The following APOH variants were observed in gnomAD, a reference collection of about 807,000 sequenced individuals.
APOH encodes the protein beta-2-glycoprotein 1.
APOH carries 48 observed loss-of-function variants against 39.8 expected under a neutral mutation model. The ratio of observed to expected loss-of-function variants is 1.21; its 90% CI spans 0.96 to 1.54. APOH has a LOEUF of 1.54. Among genes scored for constraint, APOH ranks in the 40% most tolerant of loss-of-function variants. The probability of loss-of-function intolerance (pLI) is 0.00; values close to 1 mark genes in which losing one functional copy is unlikely to be tolerated. For missense variants in APOH, 415 were observed against 421.2 expected, an observed-to-expected ratio of 0.99 and a Z score of 0.13; for synonymous variants, 153 against 151.1, an observed-to-expected ratio of 1.01 and a Z score of -0.09.
At chr17:66,221,447 T>G (rs536379959) in intron 4 of APOH, among the ~76,000 whole-genome samples, 1 of 122,412 alleles carries the variant, frequency 8.2e-6, no homozygotes, top group South Asian at 2.9e-4. Flanking sequence ...AAGTCAGATG[T>G]CCAAACCAGT....
chr17:66,220,218 T>G (rs749734278), intron 5 of APOH, among the ~76,000 whole-genome samples: 1 of 152,188 alleles, frequency 6.6e-6, no homozygotes, highest in Non-Finnish European at 1.5e-5. Flanking sequence ...CATGGATACA[T>G]CCTGCCTTTC....
intron 1 of APOH, among the ~76,000 whole-genome samples, chr17:66,229,107 T>C (rs755736123): frequency 9.9e-5 from 15 of 152,172 alleles, no homozygotes; most frequent in Middle Eastern, 3.4e-3. Flanking sequence ...CAGCTAATTT[T>C]TGTATTTTTC....
At chr17:66,222,658 G>A (rs761462629) in intron 4 of APOH, among the ~76,000 whole-genome samples, 2 of 130,972 alleles carry the variant, frequency 1.5e-5, no homozygotes, top group African/African-American at 5.8e-5. Flanking sequence ...TGCAACCTCC[G>A]CCTCCCGGGT....
At chr17:66,214,680 T>C in intron 6 of APOH, 30 bp from the exon 7 acceptor site, 1 of 1,571,682 alleles carries the variant, frequency 6.4e-7, no homozygotes, top group Non-Finnish European at 8.7e-7. Flanking sequence ...TAATCAGGAC[T>C]TAAGAGTTCA....
At chr17:66,224,617 GA>G (rs766977180) in intron 3 of APOH, among the ~76,000 whole-genome samples, 5 of 138,324 alleles carry the variant, frequency 3.6e-5, no homozygotes, top group Non-Finnish European at 6.2e-5. Flanking sequence ...GAAAAAGAAA[GA>G]AAGAAAGAAG....
At chr17:66,226,163 C>T in intron 2 of APOH, 39 bp from the exon 3 acceptor site, 3 of 1,424,572 alleles carry the variant, frequency 2.1e-6, no homozygotes, top group Non-Finnish European at 2.9e-6. Context: ...TTTCTTTGGG[C>T]TAAAAAAAAA....
Position 66,220,679 on chromosome 17 carries a change from G to T in APOH, c.479C>A (p.Ala160Asp), listed in dbSNP as rs114459902. The change falls in exon 5 of 8, where the codon GCT becomes GAT. Residue 160 changes from alanine to aspartate, a missense_variant. This residue lies in a region of APOH where 288 missense variants were observed against 284.9 expected (regional missense o/e 1.01). Coordinates refer to ENST00000205948, the MANE Select transcript of APOH (RefSeq NM_000042.3). ...FATLRVYKPSAGNNSLYRDTA... is the reference protein window; with the variant it reads ...FATLRVYKPSDGNNSLYRDTA... ...GTCCCGATAGAGGGAATTGTTTCCA[G>T]CTGATGGCTTATAAACACGAAGTGT... The T allele has an allele frequency of 1.1e-3, 1,698 of 1,614,138 alleles. 18 individuals are homozygous for T. The African/African-American group carries it at 0.02, about 19-fold the overall frequency.
At chr17:66,213,106 A>G (rs1598548616) in intron 7 of APOH, among the ~76,000 whole-genome samples, 1 of 152,278 alleles carries the variant, frequency 6.6e-6, no homozygotes, top group Non-Finnish European at 1.5e-5. Flanking sequence ...CTAGCTGGAC[A>G]CTTCTCAGAC....
intron 2 of APOH, 34 bp from the exon 3 acceptor site, chr17:66,226,158 T>C: frequency 6.7e-7 from 1 of 1,486,698 alleles, no homozygotes. Context: ...TTACTTTTCT[T>C]TGGGCTAAAA....
intron 4 of APOH, 32 bp from the exon 5 acceptor site, chr17:66,220,774 A>C (rs1437425547): frequency 6.4e-7 from 1 of 1,573,494 alleles, no homozygotes; most frequent in Admixed American, 1.8e-5. Context: ...ATTTCTATGA[A>C]AATAGTTAAG....
At chr17:66,215,324 T>C (rs2073358380) in intron 6 of APOH, among the ~76,000 whole-genome samples, 1 of 152,230 alleles carries the variant, frequency 6.6e-6, no homozygotes, top group African/African-American at 2.4e-5. Flanking sequence ...CCAGGGAACC[T>C]GGCATAAATG....
chr17:66,220,890 G>A, intron 4 of APOH, 148 bp from the exon 5 acceptor site: 1 of 845,020 alleles, frequency 1.2e-6, no homozygotes, highest in South Asian at 2.0e-5. Flanking sequence ...AATTGTGGAT[G>A]CCTAATAGGA....
intron 3 of APOH, among the ~76,000 whole-genome samples, chr17:66,225,277 G>T (rs1421105440): frequency 6.6e-6 from 1 of 152,010 alleles, no homozygotes; most frequent in Non-Finnish European, 1.5e-5. Flanking sequence ...GGGTGCCTTT[G>T]CTCCTTATGA....
At position 66,228,161 on chromosome 17, in the gene APOH, C is replaced by G; in HGVS notation, c.100G>C (p.Val34Leu). 1 of 1,614,162 alleles carries G rather than the reference C, an allele frequency of 6.2e-7. No individual in the cohort carries two copies. Among genetic ancestry groups the G allele is most frequent in the South Asian group, 1.1e-5 (1 of 91,086 alleles). ...PKPDDLPFSTVVPLKTFYEPG... is the reference protein window; with the variant it reads ...PKPDDLPFSTLVPLKTFYEPG... ...TCATAGAATGTTTTTAACGGGACCA[C>G]TGTGGAAAATGGTAAATCATCTGGC... Residue 34 changes from valine to leucine, a missense_variant, in exon 2 of 8, where the codon GTG (valine) becomes CTG (leucine). Physicochemically the swap from Val to Leu is conservative, Grantham distance 32. Around this residue, in one of 3 missense-constraint regions of APOH, gnomAD observed 288 missense variants for 284.9 expected, o/e 1.01. Coordinates refer to ENST00000205948, the MANE Select transcript of APOH (RefSeq NM_000042.3).
chr17:66,220,422 C>T, intron 5 of APOH, 132 bp downstream of exon 5: 1 of 828,246 alleles, frequency 1.2e-6, no homozygotes, highest in South Asian at 1.7e-5. Flanking sequence ...CTGCCTGGCA[C>T]ATGGTAGATG....
chr17:66,222,502 T>A (rs759213198), intron 4 of APOH, among the ~76,000 whole-genome samples: 1 of 152,126 alleles, frequency 6.6e-6, no homozygotes, highest in Non-Finnish European at 1.5e-5. Context: ...TTAAAAACTT[T>A]CGTTTTTGCT....
rs1454380963 is a variant in APOH, at chr17:66,214,543, A to C, written c.892T>G (p.Phe298Val). 1 of 1,614,184 alleles carries C rather than the reference A, an allele frequency of 6.2e-7. No individual in the cohort carries two copies. Among genetic ancestry groups the C allele is most frequent in the South Asian group, 1.1e-5 (1 of 91,086 alleles). Reference protein sequence around the residue: ...NGMLHGDKVSFFCKNKEKKCS... With the variant: ...NGMLHGDKVSVFCKNKEKKCS... ...TTCTTTTCCTTATTTTTGCAGAAGA[A>C]AGAAACTTTATCACCATGTAGCATT... The change falls in exon 7 of 8, where the codon TTC becomes GTC. Residue 298 changes from phenylalanine to valine, a missense_variant. This residue lies in a region of APOH where 120 missense variants were observed against 110.6 expected (regional missense o/e 1.08). Coordinates refer to ENST00000205948, the MANE Select transcript of APOH (RefSeq NM_000042.3).
At chr17:66,213,904 C>G (rs1456501075) in intron 7 of APOH, among the ~76,000 whole-genome samples, 1 of 151,684 alleles carries the variant, frequency 6.6e-6, no homozygotes, top group Non-Finnish European at 1.5e-5. Flanking sequence ...CAACACTGCA[C>G]TTCAGCCTGG....
chr17:66,226,891 A>T (rs561248768), intron 2 of APOH, among the ~76,000 whole-genome samples: 63 of 96,646 alleles, frequency 6.5e-4, no homozygotes, highest in African/African-American at 2.7e-3. Flanking sequence ...TTATTTATTT[A>T]TTTATTTTTT....
Sources: allele counts gnomAD v4.1 joint callset (sites outside exome capture counted in the v4.1 genomes callset), GRCh38; gene constraint gnomAD v4.1.1; regional missense constraint gnomAD v4.1.1; transcripts MANE v1.5; gene names NCBI Gene and HGNC (gene_info 2026-07-23, HGNC 2026-07-21).